Variants in KAT6B observed in about 807,000 individuals in gnomAD.
KAT6B encodes histone acetyltransferase KAT6B.
KAT6B carries 10 observed loss-of-function variants against 187.5 expected under a neutral mutation model. The ratio of observed to expected loss-of-function variants is 0.05; its 90% confidence interval spans 0.03 to 0.09. The LOEUF (loss-of-function observed/expected upper bound fraction) is 0.09. KAT6B is among the 10% of genes least tolerant of loss of function. The pLI is 1.00. For synonymous variants in KAT6B, 861 were observed against 926.8 expected, an observed-to-expected ratio of 0.93 and a Z score of 1.29; for missense variants, 1,952 against 2,558.9, an observed-to-expected ratio of 0.76 and a Z score of 5.12.
chr10:74,856,004 A>G (rs1198119306), intron 3 of KAT6B, among the ~76,000 whole-genome samples: 1 of 152,194 alleles, frequency 6.6e-6, no homozygotes, highest in East Asian at 1.9e-4. Context: ...TATATACTAT[A>G]CTATTACGCA....
chr10:74,876,299 G>A (rs1184363454), intron 3 of KAT6B, among the ~76,000 whole-genome samples: 2 of 152,094 alleles, frequency 1.3e-5, no homozygotes, highest in East Asian at 3.9e-4. Context: ...TCCTATGTGG[G>A]GAATGTGGCA....
intron 13 of KAT6B, among the ~76,000 whole-genome samples, chr10:74,994,550 A>C (rs1465445676): frequency 6.6e-6 from 1 of 151,984 alleles, no homozygotes; most frequent in Non-Finnish European, 1.5e-5. Flanking sequence ...TGGGAGGCCG[A>C]GACAGGCGGA....
At chr10:74,937,252 T>C (rs1849338509) in intron 3 of KAT6B, among the ~76,000 whole-genome samples, 1 of 152,162 alleles carries the variant, frequency 6.6e-6, no homozygotes. Context: ...ATGCTGGAAT[T>C]CATATTGTAA....
intron 12 of KAT6B, among the ~76,000 whole-genome samples, chr10:74,987,832 C>T (rs1392325770): frequency 6.6e-6 from 1 of 152,218 alleles, no homozygotes; most frequent in African/African-American, 2.4e-5. Flanking sequence ...ACCCAGAGTA[C>T]ATTTCTTTTT....
chr10:74,897,135 T>G (rs1201943496), intron 3 of KAT6B, among the ~76,000 whole-genome samples: 1 of 152,228 alleles, frequency 6.6e-6, no homozygotes, highest in Non-Finnish European at 1.5e-5. Flanking sequence ...TGTGTTTTAT[T>G]AACTGCCAGT....
rs555588006 is a variant in KAT6B, at chr10:74,894,069, C to T, written c.621+50591C>T. Among the ~76,000 whole-genome samples, 4 of 152,168 alleles carry T rather than the reference C, an allele frequency of 2.6e-5. No individual in the cohort carries two copies. In the South Asian group the frequency reaches 8.3e-4, roughly 31 times the overall value. On this transcript the variant is annotated intron_variant, in intron 3 of 17. Coordinates refer to ENST00000287239, the MANE Select transcript of KAT6B (RefSeq NM_012330.4). ...ATGAATTAGCCTGAAACTTTGCAGC[C>T]TTTAATCATATTTTTCTCTCTTTTT...
chr10:74,980,107 C>T (rs967900755), intron 10 of KAT6B, among the ~76,000 whole-genome samples: 12 of 152,088 alleles, frequency 7.9e-5, no homozygotes, highest in Non-Finnish European at 1.6e-4. Flanking sequence ...TGCAGTAAGC[C>T]GAGATTGCAC....
chr10:74,935,198 A>G (rs1177914368), intron 3 of KAT6B, among the ~76,000 whole-genome samples: 1 of 152,248 alleles, frequency 6.6e-6, no homozygotes, highest in Non-Finnish European at 1.5e-5. Context: ...CATGCAATAA[A>G]CATTTACTGT....
intron 3 of KAT6B, among the ~76,000 whole-genome samples, chr10:74,856,521 G>C (rs1201074793): frequency 1.3e-5 from 2 of 152,170 alleles, no homozygotes; most frequent in Non-Finnish European, 2.9e-5. Context: ...GTCTAGGGTA[G>C]TTGTCTTGTA....
chr10:74,836,386 C>CCG (rs1245068474), intron 1 of KAT6B, among the ~76,000 whole-genome samples: 1 of 152,180 alleles, frequency 6.6e-6, no homozygotes, highest in Non-Finnish European at 1.5e-5. Flanking sequence ...TTTTGAGGAA[C>CCG]CGCCAAACAG....
Position 75,025,245 on chromosome 10 carries a change from T to C in KAT6B, c.3660T>C (p.Cys1220=). 1.2e-6 allele frequency: 2 copies of C among 1,613,986 alleles called. No homozygotes were observed. Among genetic ancestry groups the C allele is most frequent in the South Asian group, 2.2e-5 (2 of 91,012 alleles). The part of the protein sequence containing the change: ...DNHCFKNADP[C]RNNMNDDSSN... ...ATTGCTTCAAGAATGCTGACCCTTG[T>C]AGAAGTAAGTAGAGGAATGATAAAA... The change falls in exon 17 of 18, where the codon TGT becomes TGC. Residue 1220 remains cysteine, a synonymous_variant. Transcript: ENST00000287239.
intron 3 of KAT6B, among the ~76,000 whole-genome samples, chr10:74,883,351 T>C (rs1278957445): frequency 6.6e-6 from 1 of 152,074 alleles, no homozygotes; most frequent in African/African-American, 2.4e-5. Flanking sequence ...TCTGGGACAA[T>C]AGTGTCAAGT....
At chr10:74,886,126 C>T (rs1411626903) in intron 3 of KAT6B, among the ~76,000 whole-genome samples, 1 of 152,202 alleles carries the variant, frequency 6.6e-6, no homozygotes, top group Admixed American at 6.5e-5. Context: ...TGTGCAAGCA[C>T]GATGGTTGGG....
intron 3 of KAT6B, among the ~76,000 whole-genome samples, chr10:74,844,702 C>A (rs553405440): frequency 1.4e-4 from 22 of 152,164 alleles, no homozygotes; most frequent in Non-Finnish European, 2.2e-4. Flanking sequence ...ATTCTCCTTA[C>A]ATTACTGCTA....
chr10:75,024,562 CTAGT>C (rs1365792293), intron 16 of KAT6B, among the ~76,000 whole-genome samples: 3 of 152,206 alleles, frequency 2.0e-5, no homozygotes, highest in Non-Finnish European at 2.9e-5. Context: ...AACCCAGTGG[CTAGT>C]TAATTACAGC....
chr10:74,886,486 G>A (rs1002111020), intron 3 of KAT6B, among the ~76,000 whole-genome samples: 5 of 152,084 alleles, frequency 3.3e-5, no homozygotes, highest in African/African-American at 4.8e-5. Context: ...TCCTTTAAAC[G>A]TAAGTATAGT....
At chr10:74,927,417 C>T (rs1478735146) in intron 3 of KAT6B, among the ~76,000 whole-genome samples, 7 of 150,518 alleles carry the variant, frequency 4.7e-5, no homozygotes, top group African/African-American at 1.7e-4. Flanking sequence ...CAGGAGGTGC[C>T]TCTGCTTGGC....
intron 3 of KAT6B, among the ~76,000 whole-genome samples, chr10:74,952,897 A>G (rs1840421665): frequency 1.6e-5 from 2 of 123,326 alleles, no homozygotes; most frequent in Non-Finnish European, 3.2e-5. Flanking sequence ...CCGAGGTTTC[A>G]CCATGTTGGC....
At chr10:74,918,729 G>A (rs1040029744) in intron 3 of KAT6B, among the ~76,000 whole-genome samples, 4 of 152,118 alleles carry the variant, frequency 2.6e-5, no homozygotes, top group African/African-American at 9.7e-5. Flanking sequence ...GGTGACAAGA[G>A]TGAAACTCCA....
Sources: gnomAD v4.1 joint callset for allele counts (sites outside exome capture counted in the v4.1 genomes callset) on GRCh38, gnomAD v4.1.1 for gene constraint, MANE v1.5 for transcripts, NCBI Gene and HGNC (gene_info 2026-07-23, HGNC 2026-07-21) for gene names.